The following HERC1 variants were observed in gnomAD, a reference collection of about 807,000 sequenced individuals.
HERC1 encodes the protein probable E3 ubiquitin-protein ligase HERC1.
A neutral mutation model predicts 554.3 loss-of-function variants in HERC1; 160 were observed. The observed-to-expected ratio is 0.29, with a 90% confidence interval of 0.25 to 0.33. HERC1 has a LOEUF of 0.33. Among genes scored for constraint, HERC1 ranks in the 10% least tolerant of loss-of-function variants. HERC1 has a pLI of 1.00. For synonymous variants in HERC1, 2,175 were observed against 2,131.7 expected (o/e 1.02, Z -0.56); for missense variants, 4,919 against 5,918.5 (o/e 0.83, Z 5.54).
chr15:63,687,408 G>C (rs904970127), intron 33 of HERC1, among the ~76,000 whole-genome samples: 7 of 152,036 alleles, frequency 4.6e-5, no homozygotes, highest in African/African-American at 1.7e-4. Context: ...TGTGGTGGCA[G>C]GTGCCTGTAA....
intron 24 of HERC1, among the ~76,000 whole-genome samples, chr15:63,710,003 T>C (rs148580730): frequency 2.3e-3 from 346 of 152,262 alleles, no homozygotes; most frequent in African/African-American, 8.0e-3. Context: ...TTAAGGCAAA[T>C]AGTGCTTTAG....
chr15:63,818,154 TTAAG>T (rs1200451779), intron 1 of HERC1, among the ~76,000 whole-genome samples: 1 of 152,098 alleles, frequency 6.6e-6, no homozygotes, highest in Non-Finnish European at 1.5e-5. Flanking sequence ...AAAAAAGTGT[TTAAG>T]TATTATTTAT....
intron 2 of HERC1, among the ~76,000 whole-genome samples, chr15:63,767,924 C>T (rs1372297949): frequency 6.6e-6 from 1 of 152,180 alleles, no homozygotes; most frequent in African/African-American, 2.4e-5. Context: ...TCTTCAGTCT[C>T]TTCATATAGC....
chr15:63,622,705 T>C, intron 74 of HERC1, 110 bp downstream of exon 74: 1 of 701,594 alleles, frequency 1.4e-6, no homozygotes, highest in Non-Finnish European at 2.3e-6. Flanking sequence ...CTGAAGGGGA[T>C]AATAGGTGTA....
chr15:63,672,379 T>TG, intron 39 of HERC1, 117 bp downstream of exon 39: 2 of 689,884 alleles, frequency 2.9e-6, no homozygotes, highest in Non-Finnish European at 4.7e-6. Flanking sequence ...AATCTCTTAG[T>TG]TTCTTTCTAG....
At chr15:63,803,453 G>C (rs2077050262) in intron 1 of HERC1, among the ~76,000 whole-genome samples, 1 of 151,866 alleles carries the variant, frequency 6.6e-6, no homozygotes, top group Non-Finnish European at 1.5e-5. Flanking sequence ...ACAGGGTCTG[G>C]TTCTGATGCC....
In HERC1 at chr15:63,814,581, C is replaced by T. The variant is rs145732993; in HGVS notation, c.-27+19246G>A. On this transcript the variant is annotated intron_variant, in intron 1 of 77. Transcript: ENST00000443617. ...TAGCAATTCTCATACCTTAGCCACC[C>T]GAGTAGCTGGGATTACAGGCGTGCA... Among the ~76,000 whole-genome samples, 29 of 152,282 alleles carry T rather than the reference C, an allele frequency of 1.9e-4. No homozygotes were observed. The East Asian group carries it at 4.6e-3, about 24-fold the overall frequency.
In HERC1 at chr15:63,656,359, C is replaced by G; in HGVS notation, c.9600-1G>C. The G allele has an allele frequency of 6.2e-7, 1 of 1,603,476 alleles. No individual in the cohort carries two copies. The highest frequency in any genetic ancestry group is 8.5e-7 in the Non-Finnish European group (1 of 1,172,844). ...AGCAGCCAGGCTACAACTGGAACCA[C>G]TGCCAGTAAAGAAAAACATCTCAGA... is the stretch of plus-strand genomic sequence containing the variant. On this transcript the variant is annotated splice_acceptor_variant, in intron 48 of 77. Transcript: ENST00000443617. LOFTEE classifies it high-confidence loss of function.
rs1022267737 is a variant in HERC1, at chr15:63,694,991, C to T, written c.5122-97G>A. On this transcript the variant is annotated intron_variant, in intron 27 of 77. Coordinates refer to ENST00000443617, the MANE Select transcript of HERC1 (RefSeq NM_003922.4). This position sits in a 1 kb window ranked among gnomAD's most constrained non-coding sequence, Gnocchi z 4.3. ...ATTTTATTTCTAGTCTATGCTAGAG[C>T]CTTACGATGGTTTTTAATTATTTAC... is the stretch of plus-strand genomic sequence containing the variant. 42 of 1,099,968 alleles carry T rather than the reference C, an allele frequency of 3.8e-5. No individual in the cohort carries two copies. The highest frequency in any genetic ancestry group is 2.3e-4 in the African/African-American group (14 of 61,962). The allele number at this position is 1,099,968 out of a possible 1,614,324, so 68.1% of individuals were successfully genotyped here.
chr15:63,615,763 C>A lies in HERC1; in HGVS notation c.14094+5G>T. ...ATGTGTACCTCCCGAGATGTTTCAT[C>A]TCACCTGTCTGTCCATCTCATGAAG... On this transcript the variant is annotated splice_donor_5th_base_variant and intron_variant, in intron 76 of 77. Coordinates refer to ENST00000443617, the MANE Select transcript of HERC1 (RefSeq NM_003922.4). 1.3e-6 allele frequency: 2 copies of A among 1,577,052 alleles called. No homozygotes were observed. Among genetic ancestry groups the A allele is most frequent in the Non-Finnish European group, 8.6e-7 (1 of 1,165,478 alleles).
At chr15:63,732,154 C>A (rs1351194417) in intron 14 of HERC1, among the ~76,000 whole-genome samples, 1 of 152,024 alleles carries the variant, frequency 6.6e-6, no homozygotes, top group Non-Finnish European at 1.5e-5. Flanking sequence ...ATGCCAGCCG[C>A]CACGCCTGGC....
chr15:63,725,471 T>C lies in HERC1; in HGVS notation c.3389A>G (p.Gln1130Arg), dbSNP rs1439795952. 6.2e-7 allele frequency: 1 copy of C among 1,613,942 alleles called. No individual in the cohort carries two copies. Among genetic ancestry groups the C allele is most frequent in the Non-Finnish European group, 8.5e-7 (1 of 1,179,874 alleles). The change falls in exon 18 of 78, where the codon CAG (glutamine) becomes CGG (arginine). Residue 1130 changes from glutamine (Q) to arginine (R), a missense_variant. Physicochemically the swap from Gln to Arg is conservative, Grantham distance 43 (BLOSUM62 1). Coordinates refer to ENST00000443617, the MANE Select transcript of HERC1 (RefSeq NM_003922.4). ...LIDPAGLPLP[Q>R]PAQSWVWLVD... ...AAGCCATACCCAGGACTGAGCTGGC[T>C]GAGGTAATGGCAGACCAGCAGGATC... is the stretch of plus-strand genomic sequence containing the variant.
At position 63,725,923 on chromosome 15, in the gene HERC1, C is replaced by T. The variant is rs140761358; in HGVS notation, c.3347-410G>A. On this transcript the variant is annotated intron_variant, in intron 17 of 77. Transcript: ENST00000443617. The stretch of plus-strand genomic sequence containing the variant: ...AAGATTGTTTAATGCTTTTTAAGGC[C>T]TGAATTCAGAATTGTCTTAATACTA... 7.4e-3 allele frequency among the ~76,000 whole-genome samples: 1,120 copies of T among 151,442 alleles called. 14 individuals are homozygous for T. The highest frequency in any genetic ancestry group is 0.026 in the African/African-American group (1,078 of 41,226).
At chr15:63,630,889 GTAACTTGTTTCAAAA>G in intron 68 of HERC1, among the ~76,000 whole-genome samples, 1 of 152,264 alleles carries the variant, frequency 6.6e-6, no homozygotes, top group East Asian at 1.9e-4. Flanking sequence ...TCTAAACTCG[GTAACTTGTTTCAAAA>G]TAAGAGGCTT....
chr15:63,742,505 C>T (rs2074850291), intron 12 of HERC1, among the ~76,000 whole-genome samples: 1 of 152,110 alleles, frequency 6.6e-6, no homozygotes, highest in African/African-American at 2.4e-5. Context: ...ATTGCCCCAG[C>T]TAGAATAGAA....
At chr15:63,801,671 C>T (rs2076992002) in intron 1 of HERC1, among the ~76,000 whole-genome samples, 1 of 152,164 alleles carries the variant, frequency 6.6e-6, no homozygotes, top group Non-Finnish European at 1.5e-5. Context: ...TCCAGGTAGT[C>T]CATTATGCAT....
intron 45 of HERC1, 111 bp downstream of exon 45, chr15:63,661,642 G>C: frequency 8.9e-7 from 1 of 1,121,232 alleles, no homozygotes; most frequent in Middle Eastern, 3.0e-4. Context: ...AGAATCACGG[G>C]ATTTCAGGGA....
intron 17 of HERC1, 147 bp from the exon 18 acceptor site, chr15:63,725,660 T>C: frequency 1.5e-6 from 1 of 652,354 alleles, no homozygotes; most frequent in Non-Finnish European, 2.6e-6. Context: ...TTCTGTATTT[T>C]TTCTCTTTAC....
At chr15:63,624,071 G>T in intron 72 of HERC1, 87 bp downstream of exon 72, 1 of 1,368,578 alleles carries the variant, frequency 7.3e-7, no homozygotes, top group Admixed American at 1.9e-5. Flanking sequence ...CCTTAGAAGT[G>T]AGGAAACCAA....
Sources: gnomAD v4.1 joint callset for allele counts (sites outside exome capture counted in the v4.1 genomes callset) on GRCh38, gnomAD v4.1.1 for gene constraint, Gnocchi (gnomAD v3.1) non-coding constraint, MANE v1.5 for transcripts, NCBI Gene and HGNC (gene_info 2026-07-23, HGNC 2026-07-21) for gene names.